Variants in ZFAND3 observed in about 807,000 individuals in gnomAD.
ZFAND3 encodes zinc finger AN1-type containing 3, also known as AN1-type zinc finger protein 3.
In ZFAND3, 10 loss-of-function variants were observed where a neutral mutation model predicts 29.6. The ratio of observed to expected loss-of-function variants is 0.34; its 90% confidence interval spans 0.21 to 0.57. The LOEUF (loss-of-function observed/expected upper bound fraction) is 0.57. ZFAND3 is among the 20% of genes least tolerant of loss of function. The probability of loss-of-function intolerance (pLI) is 0.86; values close to 1 mark genes in which losing one functional copy is unlikely to be tolerated. For missense variants in ZFAND3, 230 were observed against 304.5 expected (o/e 0.76, Z 1.82); for synonymous variants, 128 against 112.6 (o/e 1.14, Z -0.87).
intron 1 of ZFAND3, among the ~76,000 whole-genome samples, chr6:37,830,334 C>G (rs930519597): frequency 6.6e-6 from 1 of 152,118 alleles, no homozygotes; most frequent in Non-Finnish European, 1.5e-5. Context: ...TTTGTGGCCA[C>G]CATCGTTTAG....
At chr6:38,003,729 C>CCAA (rs1238318895) in intron 2 of ZFAND3, 1 of 401,534 alleles carries the variant, frequency 2.5e-6, no homozygotes, top group Non-Finnish European at 4.9e-6. Context: ...TGGCCTTGAA[C>CCAA]TCCTGAGCTC....
intron 2 of ZFAND3, among the ~76,000 whole-genome samples, chr6:38,057,338 T>G (rs1764150319): frequency 6.6e-6 from 1 of 152,174 alleles, no homozygotes; most frequent in Non-Finnish European, 1.5e-5. Flanking sequence ...TTTTTGGCAG[T>G]AATCAGAAGT....
intron 5 of ZFAND3, among the ~76,000 whole-genome samples, chr6:38,145,050 G>T (rs1293739454): frequency 6.6e-6 from 1 of 152,192 alleles, no homozygotes; most frequent in African/African-American, 2.4e-5. Flanking sequence ...GGAAATGCTG[G>T]CCTGTAGGGT....
At position 38,116,631 on chromosome 6, in the gene ZFAND3, G is replaced by T; in HGVS notation, c.421G>T (p.Glu141Ter). The T allele has an allele frequency of 6.2e-7, 1 of 1,614,092 alleles. No homozygotes were observed. Reference sequence around the variant, plus strand: ...ACGGCCACGACTACTTGAGAATACGGAACGGTCCGAGGAAACCAGTCGATC... The same window carrying T: ...ACGGCCACGACTACTTGAGAATACGTAACGGTCCGAGGAAACCAGTCGATC... ...VKRPRLLENT[E>*]RSEETSRSKQ... Residue 141 changes from glutamate to a stop codon, truncating the protein, a stop_gained, in exon 5 of 6, where the codon GAA becomes TAA. Transcript: ENST00000287218. LOFTEE classifies it high-confidence loss of function.
chr6:37,996,158 C>T (rs1218946563), intron 2 of ZFAND3, among the ~76,000 whole-genome samples: 3 of 151,620 alleles, frequency 2.0e-5, no homozygotes, highest in African/African-American at 7.3e-5. Flanking sequence ...TCTTATCTTT[C>T]TTATCTTGCA....
At chr6:37,869,683 A>T (rs547200394) in intron 1 of ZFAND3, among the ~76,000 whole-genome samples, 99 of 149,074 alleles carry the variant, frequency 6.6e-4, no homozygotes, top group African/African-American at 1.6e-3. Context: ...TATTAAAAAA[A>T]TTTTTTTTTG....
intron 5 of ZFAND3, among the ~76,000 whole-genome samples, chr6:38,128,622 T>G (rs1765682232): frequency 6.6e-6 from 1 of 152,202 alleles, no homozygotes; most frequent in African/African-American, 2.4e-5. Context: ...CTTAGAATAA[T>G]AGTCTCCAGT....
chr6:37,854,318 A>G (rs1764337339), intron 1 of ZFAND3, among the ~76,000 whole-genome samples: 1 of 152,138 alleles, frequency 6.6e-6, no homozygotes, highest in South Asian at 2.1e-4. Flanking sequence ...CAGATAAAAC[A>G]TTTTCATGAA....
At chr6:38,019,297 T>G (rs1381335011) in intron 2 of ZFAND3, among the ~76,000 whole-genome samples, 1 of 152,192 alleles carries the variant, frequency 6.6e-6, no homozygotes, top group Non-Finnish European at 1.5e-5. Flanking sequence ...TTGCTTTAGT[T>G]TGTATATGTT....
intron 2 of ZFAND3, among the ~76,000 whole-genome samples, chr6:37,955,412 C>G (rs976884559): frequency 6.6e-6 from 1 of 152,090 alleles, no homozygotes; most frequent in East Asian, 1.9e-4. Context: ...AGGGACTTTC[C>G]GCTGTCCTGT....
At chr6:37,980,178 T>G (rs1407134951) in intron 2 of ZFAND3, among the ~76,000 whole-genome samples, 2 of 137,790 alleles carry the variant, frequency 1.5e-5, no homozygotes, top group Admixed American at 1.5e-4. Context: ...TTTTTTTTTT[T>G]GCTAGATATC....
At chr6:38,149,984 C>T (rs184795200) in intron 5 of ZFAND3, among the ~76,000 whole-genome samples, 31 of 152,262 alleles carry the variant, frequency 2.0e-4, no homozygotes, top group Admixed American at 2.0e-3. Context: ...TGTCTATAGA[C>T]ACATCCTGAT....
At chr6:38,081,614 A>T (rs1158714912) in intron 3 of ZFAND3, among the ~76,000 whole-genome samples, 3 of 152,160 alleles carry the variant, frequency 2.0e-5, no homozygotes, top group Non-Finnish European at 4.4e-5. Flanking sequence ...TATGATCACC[A>T]CTGCCCATCC....
chr6:37,907,719 CT>C (rs1765434925), intron 1 of ZFAND3, among the ~76,000 whole-genome samples: 1 of 152,148 alleles, frequency 6.6e-6, no homozygotes, highest in African/African-American at 2.4e-5. Context: ...CCTCTTTCAA[CT>C]TTTTATTTTG....
At chr6:38,034,878 G>T (rs1581857184) in intron 2 of ZFAND3, among the ~76,000 whole-genome samples, 1 of 152,074 alleles carries the variant, frequency 6.6e-6, no homozygotes, top group East Asian at 1.9e-4. Context: ...CCCAAAAAGG[G>T]TTTTATTTTT....
chr6:37,872,727 G>A (rs61411293), intron 1 of ZFAND3, among the ~76,000 whole-genome samples: 32,744 of 152,130 alleles, frequency 0.22, 4,360 homozygotes, highest in African/African-American at 0.37. Flanking sequence ...TCATTGCTGG[G>A]AAGTATTTCA....
chr6:37,977,835 C>CCTTT (rs1762511242), intron 2 of ZFAND3, among the ~76,000 whole-genome samples: 1 of 97,726 alleles, frequency 1.0e-5, no homozygotes, highest in Non-Finnish European at 2.1e-5. Flanking sequence ...GCTTTTCCTT[C>CCTTT]CTTCCTTCCT....
chr6:37,838,278 A>AT (rs1045173075), intron 1 of ZFAND3, among the ~76,000 whole-genome samples: 73 of 151,646 alleles, frequency 4.8e-4, no homozygotes, highest in African/African-American at 1.6e-3. Context: ...TGTTCCTCAA[A>AT]TTTTTTTTTG....
At chr6:37,887,985 C>T (rs1765026035) in intron 1 of ZFAND3, among the ~76,000 whole-genome samples, 1 of 152,140 alleles carries the variant, frequency 6.6e-6, no homozygotes. Flanking sequence ...CTTGACTATA[C>T]TAAGAAGGCA....
Sources: gnomAD v4.1 joint callset for allele counts (sites outside exome capture counted in the v4.1 genomes callset) on GRCh38, gnomAD v4.1.1 for gene constraint, MANE v1.5 for transcripts, NCBI Gene and HGNC (gene_info 2026-07-23, HGNC 2026-07-21) for gene names.